The following C14orf180 variants were observed in gnomAD, a reference collection of about 807,000 sequenced individuals.
The protein encoded by C14orf180 is nutritionally-regulated adipose and cardiac enriched protein homolog.
A neutral mutation model predicts 13.9 loss-of-function variants in C14orf180; 13 were observed. The ratio of observed to expected loss-of-function variants is 0.94; its 90% CI spans 0.61 to 1.49. The LOEUF is 1.49. Among genes scored for constraint, C14orf180 ranks in the 40% most tolerant of loss-of-function variants. The probability of loss-of-function intolerance (pLI) is 0.00; values close to 1 mark genes in which losing one functional copy is unlikely to be tolerated. For synonymous variants in C14orf180, 113 were observed against 106.3 expected (o/e 1.06, Z -0.39); for missense variants, 238 against 232.0 (o/e 1.03, Z -0.17).
chr14:104,583,054 C>T (rs1481537012), intron 1 of C14orf180, among the ~76,000 whole-genome samples: 2 of 152,212 alleles, frequency 1.3e-5, no homozygotes, highest in African/African-American at 2.4e-5. Flanking sequence ...GAAGGGGAAG[C>T]GTGAAGCCCA....
rs78070047 is a variant in C14orf180 at position 104,588,834 on chromosome 14, C to T, written c.*51C>T. 2,098 of 1,523,604 alleles carry T rather than the reference C, an allele frequency of 1.4e-3. 34 individuals carry two copies. The African/African-American group carries it at 0.023, about 17-fold the overall frequency. 94.4% of individuals were successfully genotyped at this position (1,523,604 alleles called of 1,614,324 possible). ...GGCTTCCAGGAGAGCTCAAGCACTC[C>T]GGGGGCTCCGAGACAGCCTGAGCCC... On this transcript the variant is annotated 3_prime_UTR_variant, in exon 5 of 5. Transcript: ENST00000557649.
At chr14:104,583,203 T>C (rs1886498017) in intron 1 of C14orf180, among the ~76,000 whole-genome samples, 1 of 151,754 alleles carries the variant, frequency 6.6e-6, no homozygotes, top group Admixed American at 6.6e-5. Context: ...TGAAGGTGCA[T>C]CTCTGGAGAG....
chr14:104,589,611 C>T lies in C14orf180; in HGVS notation c.*828C>T, dbSNP rs1240005844. The T allele has an allele frequency of 6.6e-6, 1 of 152,580 alleles. No individual in the cohort carries two copies. Among genetic ancestry groups the T allele is most frequent in the African/African-American group, 2.4e-5 (1 of 41,404 alleles). 9.5% of individuals were successfully genotyped at this position (152,580 alleles called of 1,614,324 possible). A position where few individuals can be genotyped will look rare whatever the true frequency, so the allele number is the denominator to read the frequency against. On this transcript the variant is annotated 3_prime_UTR_variant, in exon 5 of 5. Transcript: ENST00000557649. The surrounding 1 kb of genome is among the most constrained non-coding windows in gnomAD (Gnocchi z 4.9). Reference sequence around the variant, plus strand: ...GAGCTGAAGGGAGCCCTGTGGATGACAAACACCAGGGGCCTCTCCAGACCC... The same window carrying T: ...GAGCTGAAGGGAGCCCTGTGGATGATAAACACCAGGGGCCTCTCCAGACCC...
chr14:104,583,700 A>G (rs1886516111), intron 1 of C14orf180, among the ~76,000 whole-genome samples: 1 of 152,168 alleles, frequency 6.6e-6, no homozygotes, highest in African/African-American at 2.4e-5. Flanking sequence ...TATGCTGCTC[A>G]GCAACAGATG....
chr14:104,587,678 C>T, intron 2 of C14orf180, 71 bp from the exon 3 acceptor site: 2 of 1,537,212 alleles, frequency 1.3e-6, no homozygotes, highest in Non-Finnish European at 8.9e-7. Flanking sequence ...CTGGGCCCCA[C>T]ATGGCTCAGA....
chr14:104,580,572 G>A (rs900706896), intron 1 of C14orf180, among the ~76,000 whole-genome samples: 1 of 152,238 alleles, frequency 6.6e-6, no homozygotes, highest in Admixed American at 6.5e-5. Flanking sequence ...CCGAGGGCAA[G>A]TCTACGCAGG....
At chr14:104,583,085 G>A (rs922593477) in intron 1 of C14orf180, among the ~76,000 whole-genome samples, 1 of 152,244 alleles carries the variant, frequency 6.6e-6, no homozygotes, top group African/African-American at 2.4e-5. Flanking sequence ...GGATGGCAGG[G>A]CTCAGGGAGG....
At chr14:104,585,671 AC>A (rs1886591170) in intron 1 of C14orf180, among the ~76,000 whole-genome samples, 1 of 151,992 alleles carries the variant, frequency 6.6e-6, no homozygotes, top group African/African-American at 2.4e-5. Context: ...AGAGACAGAA[AC>A]AGGGAGATAG....
chr14:104,588,380 C>A lies in C14orf180; in HGVS notation c.277+71C>A, dbSNP rs533220862. 6.8e-5 allele frequency: 107 copies of A among 1,580,440 alleles called. No homozygotes were observed. The African/African-American group carries it at 1.3e-3, about 20-fold the overall frequency. On this transcript the variant is annotated intron_variant, in intron 4 of 4. Transcript: ENST00000557649. ...GGTGCACCCACCCTCACTCCCTCCCCGAGGGAGGTGTCACAGGGCCAGGGC... is the reference window on the plus strand; with the variant it reads ...GGTGCACCCACCCTCACTCCCTCCCAGAGGGAGGTGTCACAGGGCCAGGGC...
At chr14:104,586,054 C>T (rs1416631999) in intron 1 of C14orf180, among the ~76,000 whole-genome samples, 1 of 152,252 alleles carries the variant, frequency 6.6e-6, no homozygotes, top group Non-Finnish European at 1.5e-5. Flanking sequence ...CCATGACCTC[C>T]AAACATTGCA....
intron 2 of C14orf180, among the ~76,000 whole-genome samples, chr14:104,587,503 G>A (rs752549236): frequency 2.6e-5 from 4 of 152,164 alleles, no homozygotes; most frequent in Non-Finnish European, 4.4e-5. Flanking sequence ...GGGGACTTGC[G>A]TGAAGAGACG....
At chr14:104,587,286 G>T (rs1055807533) in intron 2 of C14orf180, among the ~76,000 whole-genome samples, 1 of 151,944 alleles carries the variant, frequency 6.6e-6, no homozygotes, top group Non-Finnish European at 1.5e-5. Context: ...AGCCTGGGAG[G>T]CTCGGCCCCA....
chr14:104,588,712 C>T lies in C14orf180; in HGVS notation c.412C>T (p.Arg138Trp), dbSNP rs772470475. 54 of 1,535,518 alleles carry T rather than the reference C, an allele frequency of 3.5e-5. No homozygotes were observed. The highest frequency in any genetic ancestry group is 1.7e-4 in the East Asian group (7 of 40,892). The change falls in exon 5 of 5, where the codon CGG becomes TGG. Residue 138 changes from arginine (R) to tryptophan (W), a missense_variant. Physicochemically the swap from Arg to Trp is moderately radical, Grantham distance 101 (BLOSUM62 -3). Transcript: ENST00000557649. ...VATALEDLRA[R>W]LLGLVLHLRH... Reference sequence around the variant, plus strand: ...AACGGCACTGGAGGACCTGCGGGCCCGGCTCCTCGGCCTTGTCCTGCACCT... The same window carrying T: ...AACGGCACTGGAGGACCTGCGGGCCTGGCTCCTCGGCCTTGTCCTGCACCT...
chr14:104,583,494 C>T (rs535010766), intron 1 of C14orf180, among the ~76,000 whole-genome samples: 104 of 152,332 alleles, frequency 6.8e-4, no homozygotes, highest in African/African-American at 2.4e-3. Context: ...TGCTGCTCTC[C>T]TCACCCCCAT....
intron 1 of C14orf180, 134 bp downstream of exon 1, chr14:104,580,137 G>A (rs1400543351): frequency 6.7e-6 from 1 of 149,728 alleles, no homozygotes; most frequent in Admixed American, 6.6e-5. Flanking sequence ...CAGAGACTGG[G>A]CAGAGCGGAG....
At position 104,587,770 on chromosome 14, in the gene C14orf180, C is replaced by T; in HGVS notation, c.133C>T (p.Pro45Ser). 1 of 1,612,660 alleles carries T rather than the reference C, an allele frequency of 6.2e-7. No individual in the cohort carries two copies. Among genetic ancestry groups the T allele is most frequent in the East Asian group, 2.2e-5 (1 of 44,858 alleles). Residue 45 changes from proline (P) to serine (S), a missense_variant, in exon 3 of 5, where the codon CCC (proline) becomes TCC (serine). Physicochemically the swap from Pro to Ser is moderately conservative, Grantham distance 74. Transcript: ENST00000557649. ...AEREDNRKCP[P>S]SILKRSRPEH... ...CCAGGAGGACAACAGGAAGTGCCCCCCCTCCATCCTGAAACGGAGCCGGCC... is the reference window on the plus strand; with the variant it reads ...CCAGGAGGACAACAGGAAGTGCCCCTCCTCCATCCTGAAACGGAGCCGGCC...
rs966778951 is a variant in C14orf180 at position 104,589,134 on chromosome 14, C to G, written c.*351C>G. Reference sequence around the variant, plus strand: ...AACTCCTGCTGCTGCTAGGGCCTGGCCCGGCCATCACCGTGTGCACCCTCT... The same window carrying G: ...AACTCCTGCTGCTGCTAGGGCCTGGGCCGGCCATCACCGTGTGCACCCTCT... On this transcript the variant is annotated 3_prime_UTR_variant, in exon 5 of 5. Transcript: ENST00000557649. This position sits in a 1 kb window ranked among gnomAD's most constrained non-coding sequence, Gnocchi z 4.9. 4.2e-6 allele frequency: 2 copies of G among 473,232 alleles called. No homozygotes were observed. Among genetic ancestry groups the G allele is most frequent in the South Asian group, 8.7e-5 (2 of 23,002 alleles). 29.3% of individuals were successfully genotyped at this position (473,232 alleles called of 1,614,324 possible).
intron 1 of C14orf180, chr14:104,581,600 G>A (rs1202314946): frequency 1.3e-5 from 2 of 152,644 alleles, no homozygotes; most frequent in Non-Finnish European, 2.9e-5. Context: ...AGCCACCCCG[G>A]AGGTACAGCA....
intron 2 of C14orf180, 82 bp from the exon 3 acceptor site, chr14:104,587,667 G>T (rs1280697486): frequency 4.8e-6 from 7 of 1,443,372 alleles, no homozygotes; most frequent in Non-Finnish European, 5.7e-6. Context: ...GGACGGTGCT[G>T]CTGGGCCCCA....
Sources: allele counts gnomAD v4.1 joint callset (sites outside exome capture counted in the v4.1 genomes callset), GRCh38; gene constraint gnomAD v4.1.1; non-coding constraint Gnocchi (gnomAD v3.1); transcripts MANE v1.5; gene names NCBI Gene and HGNC (gene_info 2026-07-23, HGNC 2026-07-21).